The following LINGO2 variants were observed in gnomAD, a reference collection of about 807,000 sequenced individuals.
The protein encoded by LINGO2 is leucine-rich repeat and immunoglobulin-like domain-containing nogo receptor-interacting protein 2.
A neutral mutation model predicts 30.6 loss-of-function variants in LINGO2; 14 were observed. The observed-to-expected ratio is 0.46, with a 90% confidence interval of 0.30 to 0.72. The LOEUF (loss-of-function observed/expected upper bound fraction) is 0.72, where lower values mean the gene tolerates loss of function less well. Among genes scored for constraint, LINGO2 ranks in the 30% least tolerant of loss-of-function variants. The probability of loss-of-function intolerance (pLI) is 0.07; values close to 1 mark genes in which losing one functional copy is unlikely to be tolerated. For missense variants in LINGO2, 729 were observed against 751.7 expected (o/e 0.97, Z 0.35); for synonymous variants, 317 against 288.5 (o/e 1.10, Z -1.00).
intron 1 of LINGO2, among the ~76,000 whole-genome samples, chr9:28,517,761 C>T (rs1389490986): frequency 2.0e-5 from 3 of 152,084 alleles, no homozygotes; most frequent in African/African-American, 7.2e-5. Flanking sequence ...CTTAGGGCTG[C>T]TTGAAGCATA....
At chr9:29,038,724 T>C in the LINGO2 span, among the ~76,000 whole-genome samples, 2 of 151,644 alleles carry the variant, frequency 1.3e-5, no homozygotes, top group African/African-American at 4.8e-5. Context: ...ATTTGGTCTT[T>C]AGGATTAACA....
At chr9:28,627,003 C>G (rs1049275024) in intron 1 of LINGO2, among the ~76,000 whole-genome samples, 1 of 151,688 alleles carries the variant, frequency 6.6e-6, no homozygotes, top group Non-Finnish European at 1.5e-5. Context: ...ATCACATTTT[C>G]CTGCTTTTTT....
At chr9:28,388,773 G>A (rs1821703818) in intron 2 of LINGO2, among the ~76,000 whole-genome samples, 1 of 152,144 alleles carries the variant, frequency 6.6e-6, no homozygotes, top group Admixed American at 6.6e-5. Context: ...ATTCTTTGAT[G>A]CCTGAGTCAA....
At chr9:28,178,270 C>T (rs201255054) in intron 4 of LINGO2, among the ~76,000 whole-genome samples, 1 of 152,004 alleles carries the variant, frequency 6.6e-6, no homozygotes, top group Non-Finnish European at 1.5e-5. Context: ...GAGACGGTAG[C>T]GTATACATTA....
chr9:28,047,159 A>AT (rs1824460427), intron 4 of LINGO2, among the ~76,000 whole-genome samples: 1 of 152,228 alleles, frequency 6.6e-6, no homozygotes, highest in Admixed American at 6.5e-5. Context: ...ACAGGTAGGT[A>AT]TTGCAAGGGT....
At chr9:28,579,119 C>G (rs1824136726) in intron 1 of LINGO2, among the ~76,000 whole-genome samples, 1 of 151,102 alleles carries the variant, frequency 6.6e-6, no homozygotes, top group Non-Finnish European at 1.5e-5. Flanking sequence ...GACTATCCAT[C>G]CTTTATGGAA....
chr9:28,841,417 T>C, the LINGO2 span, among the ~76,000 whole-genome samples: 1 of 151,982 alleles, frequency 6.6e-6, no homozygotes, highest in Non-Finnish European at 1.5e-5. Context: ...ATTAGTACTT[T>C]ACACTTGCTC....
At chr9:28,394,296 A>G (rs1457165029) in intron 2 of LINGO2, among the ~76,000 whole-genome samples, 1 of 152,202 alleles carries the variant, frequency 6.6e-6, no homozygotes, top group Non-Finnish European at 1.5e-5. Flanking sequence ...CACTGTCAGT[A>G]ATCTCTAATT....
At chr9:28,439,154 A>C (rs1037806841) in intron 2 of LINGO2, among the ~76,000 whole-genome samples, 1 of 149,074 alleles carries the variant, frequency 6.7e-6, no homozygotes, top group African/African-American at 2.4e-5. Context: ...AAATACAGAT[A>C]ATATATATTT....
chr9:28,193,621 A>G lies in LINGO2; in HGVS notation c.-87+101587T>C, dbSNP rs10968373. 5.5e-3 allele frequency among the ~76,000 whole-genome samples: 831 copies of G among 152,340 alleles called. 7 individuals are homozygous for G. Among genetic ancestry groups the G allele is most frequent in the Non-Finnish European group, 7.5e-3 (512 of 68,028 alleles). ...GGGAAAAAAGGTAACCACTAGAACAAAAATACAAACTTTTGTTCTACTTAG... is the reference window on the plus strand; with the variant it reads ...GGGAAAAAAGGTAACCACTAGAACAGAAATACAAACTTTTGTTCTACTTAG... On this transcript the variant is annotated intron_variant, in intron 4 of 5. Transcript: ENST00000379992.
intron 2 of LINGO2, among the ~76,000 whole-genome samples, chr9:28,404,467 A>G (rs1822410311): frequency 6.6e-6 from 1 of 152,196 alleles, no homozygotes; most frequent in African/African-American, 2.4e-5. Context: ...ACTCTAAATT[A>G]TATTACTAAA....
At chr9:28,974,042 T>C in the LINGO2 span, among the ~76,000 whole-genome samples, 1 of 152,302 alleles carries the variant, frequency 6.6e-6, no homozygotes, top group South Asian at 2.1e-4. Flanking sequence ...TTATCCTAAG[T>C]AGAATGACTA....
At chr9:28,375,508 C>A (rs985932953) in intron 2 of LINGO2, among the ~76,000 whole-genome samples, 1 of 152,122 alleles carries the variant, frequency 6.6e-6, no homozygotes, top group Non-Finnish European at 1.5e-5. Context: ...CAGACCAATG[C>A]GACTACTTTG....
intron 1 of LINGO2, among the ~76,000 whole-genome samples, chr9:28,612,319 T>C (rs1272621922): frequency 1.3e-5 from 2 of 152,152 alleles, no homozygotes; most frequent in Admixed American, 1.3e-4. Context: ...CACCTCAGCA[T>C]CCCAAAATGC....
chr9:29,147,328 T>C, the LINGO2 span, among the ~76,000 whole-genome samples: 115 of 152,228 alleles, frequency 7.6e-4, no homozygotes, highest in Non-Finnish European at 1.5e-3. Context: ...ATGATTCTTG[T>C]TTTGTAAAAA....
intron 4 of LINGO2, among the ~76,000 whole-genome samples, chr9:28,249,647 C>T (rs886317182): frequency 2.6e-5 from 4 of 152,104 alleles, no homozygotes; most frequent in African/African-American, 4.8e-5. Context: ...AAAAAAAACC[C>T]ACTTGAGTTT....
chr9:29,051,732 A>G, the LINGO2 span, among the ~76,000 whole-genome samples: 3 of 152,158 alleles, frequency 2.0e-5, no homozygotes, highest in East Asian at 1.9e-4. Context: ...TATCTCAAAC[A>G]TAAGAGAGTT....
intron 5 of LINGO2, among the ~76,000 whole-genome samples, chr9:27,992,870 G>A (rs1251879312): frequency 6.6e-6 from 1 of 152,034 alleles, no homozygotes; most frequent in Non-Finnish European, 1.5e-5. Flanking sequence ...AGACACAAAA[G>A]GATACTGACA....
the LINGO2 span, among the ~76,000 whole-genome samples, chr9:29,134,418 A>G: frequency 1.3e-5 from 2 of 152,150 alleles, no homozygotes; most frequent in Non-Finnish European, 2.9e-5. Context: ...TTTGAAAAAT[A>G]TACATTTTTT....
Sources: gnomAD v4.1 joint callset for allele counts (sites outside exome capture counted in the v4.1 genomes callset) on GRCh38, gnomAD v4.1.1 for gene constraint, MANE v1.5 for transcripts, NCBI Gene and HGNC (gene_info 2026-07-23, HGNC 2026-07-21) for gene names.